ELMOD1: variants seen among roughly 807,000 people sequenced by gnomAD.
The protein encoded by ELMOD1 is ELMO domain containing 1.
Under a neutral mutation model 46.7 loss-of-function variants are expected in ELMOD1, and 21 were observed. That is an observed-to-expected ratio of 0.45 (90% confidence interval 0.32 to 0.65). The LOEUF (loss-of-function observed/expected upper bound fraction) is 0.65, where lower values mean the gene tolerates loss of function less well. Among genes scored for constraint, ELMOD1 ranks in the 30% least tolerant of loss-of-function variants. The pLI, the probability that ELMOD1 is intolerant of heterozygous loss-of-function variation, is 0.04. For synonymous variants in ELMOD1, 122 were observed against 138.2 expected, an observed-to-expected ratio of 0.88 and a Z score of 0.82; for missense variants, 348 against 407.8, an observed-to-expected ratio of 0.85 and a Z score of 1.26.
chr11:107,629,642 G>A (rs973875401), intron 2 of ELMOD1, among the ~76,000 whole-genome samples: 3 of 152,190 alleles, frequency 2.0e-5, no homozygotes, highest in African/African-American at 7.2e-5. Flanking sequence ...ATTTGTTGCG[G>A]TATTGCTGGA....
At chr11:107,591,684 A>C (rs1369249059) in intron 1 of ELMOD1, 1 of 365,286 alleles carries the variant, frequency 2.7e-6, no homozygotes, top group African/African-American at 2.2e-5. Flanking sequence ...GGCTGTTTGC[A>C]TCTCGGCCCG....
intron 11 of ELMOD1, among the ~76,000 whole-genome samples, chr11:107,658,291 T>A (rs980820747): frequency 6.6e-6 from 1 of 152,178 alleles, no homozygotes; most frequent in Non-Finnish European, 1.5e-5. Context: ...ACTATTTGAT[T>A]CTGAACAATG....
chr11:107,645,490 A>G (rs960772640), intron 6 of ELMOD1, among the ~76,000 whole-genome samples: 17 of 151,204 alleles, frequency 1.1e-4, no homozygotes, highest in Non-Finnish European at 1.6e-4. Context: ...CGCCCGGCTA[A>G]TTTTTTGTAT....
intron 1 of ELMOD1, among the ~76,000 whole-genome samples, chr11:107,601,421 T>C (rs1468411048): frequency 1.4e-5 from 2 of 145,822 alleles, no homozygotes; most frequent in African/African-American, 2.5e-5. Flanking sequence ...TTTTTCTTTT[T>C]TTTTTTTTTT....
chr11:107,661,048 A>C (rs150778150), intron 11 of ELMOD1, among the ~76,000 whole-genome samples: 2 of 152,184 alleles, frequency 1.3e-5, no homozygotes, highest in Non-Finnish European at 2.9e-5. Flanking sequence ...TGATTATAAT[A>C]TGCACCTTGG....
At chr11:107,605,936 G>T (rs902030165) in intron 1 of ELMOD1, among the ~76,000 whole-genome samples, 4 of 152,144 alleles carry the variant, frequency 2.6e-5, no homozygotes, top group Non-Finnish European at 5.9e-5. Context: ...TTTTCGTGTC[G>T]CTTCTTTCTC....
At position 107,665,397 on chromosome 11, in the gene ELMOD1, T is replaced by G. The variant is rs1866825505; in HGVS notation, c.*200T>G. 1 of 566,382 alleles carries G rather than the reference T, an allele frequency of 1.8e-6. No homozygotes were observed. Among genetic ancestry groups the G allele is most frequent in the Admixed American group, 3.5e-5 (1 of 28,820 alleles). 35.1% of individuals were successfully genotyped at this position (566,382 alleles called of 1,614,324 possible). On this transcript the variant is annotated 3_prime_UTR_variant, in exon 12 of 12. Transcript: ENST00000265840. ...GGAGTATCTGTCATCCAGTGACTGC[T>G]CATATTGTGGCATTATGCAGTGTTA...
chr11:107,651,843 G>A (rs894981531), intron 9 of ELMOD1, among the ~76,000 whole-genome samples: 1 of 152,082 alleles, frequency 6.6e-6, no homozygotes, highest in Admixed American at 6.6e-5. Context: ...CAATAAGCTC[G>A]CAATATTTCT....
At chr11:107,657,608 C>A (rs567382006) in intron 11 of ELMOD1, among the ~76,000 whole-genome samples, 70 of 152,268 alleles carry the variant, frequency 4.6e-4, no homozygotes, top group Admixed American at 2.2e-3. Context: ...GAATTTTACA[C>A]CCAGTATAAC....
intron 1 of ELMOD1, among the ~76,000 whole-genome samples, chr11:107,599,755 A>AAAAAAAAAAAAAAAAAAAG (rs1555058610): frequency 3.6e-5 from 5 of 138,890 alleles, no homozygotes; most frequent in South Asian, 2.2e-4. Context: ...AAAAAAAGAA[A>AAAAAAAAAAAAAAAAAAAG]AAAAGAAAAG....
intron 2 of ELMOD1, among the ~76,000 whole-genome samples, chr11:107,618,788 TA>T (rs1169009461): frequency 6.6e-6 from 1 of 152,222 alleles, no homozygotes; most frequent in Admixed American, 6.5e-5. Flanking sequence ...TGATCTTTTT[TA>T]GTTTTGAAAA....
intron 6 of ELMOD1, chr11:107,643,688 A>G: frequency 1.9e-6 from 1 of 518,996 alleles, no homozygotes; most frequent in Non-Finnish European, 3.9e-6. Context: ...ATACTTCCAT[A>G]TACCTGCATC....
intron 11 of ELMOD1, among the ~76,000 whole-genome samples, chr11:107,656,591 C>A (rs1340212834): frequency 6.6e-6 from 1 of 151,778 alleles, no homozygotes; most frequent in Admixed American, 6.6e-5. Flanking sequence ...CTTTGAACTT[C>A]CTCTTTTGGT....
In ELMOD1 at chr11:107,618,163, A is replaced by C. The variant is rs1381905451; in HGVS notation, c.-27A>C. On this transcript the variant is annotated 5_prime_UTR_variant, in exon 2 of 12. Coordinates refer to ENST00000265840, the MANE Select transcript of ELMOD1 (RefSeq NM_018712.4). ...GCAATTACTTGAGGACAGTTCATAT[A>C]GCATCTGGACAGTCAACACGGGCAC... 1 of 1,564,974 alleles carries C rather than the reference A, an allele frequency of 6.4e-7. No homozygotes were observed. Among genetic ancestry groups the C allele is most frequent in the Admixed American group, 1.9e-5 (1 of 52,804 alleles).
chr11:107,592,011 G>A (rs1417292546), intron 1 of ELMOD1: 1 of 505,660 alleles, frequency 2.0e-6, no homozygotes, highest in Non-Finnish European at 4.1e-6. Flanking sequence ...GGTAGAATTG[G>A]ACAGCCGAGT....
At chr11:107,631,757 T>A in intron 5 of ELMOD1, 80 bp downstream of exon 5, 1 of 644,188 alleles carries the variant, frequency 1.6e-6, no homozygotes, top group South Asian at 3.3e-5. Context: ...GTCTCCTCTC[T>A]TTTTTTTTCT....
intron 2 of ELMOD1, chr11:107,625,339 T>G (rs1866023086): frequency 1.1e-6 from 1 of 921,678 alleles, no homozygotes; most frequent in Non-Finnish European, 1.3e-6. Flanking sequence ...AACCAAGAAC[T>G]GTGATTATTT....
intron 1 of ELMOD1, among the ~76,000 whole-genome samples, chr11:107,597,940 AC>A (rs2135645667): frequency 6.6e-6 from 1 of 152,302 alleles, no homozygotes; most frequent in East Asian, 1.9e-4. Flanking sequence ...TGCACAGCAC[AC>A]CTAATCAAAT....
At chr11:107,602,913 G>A (rs1010198271) in intron 1 of ELMOD1, among the ~76,000 whole-genome samples, 3 of 151,984 alleles carry the variant, frequency 2.0e-5, no homozygotes, top group East Asian at 3.9e-4. Flanking sequence ...ATGCTTCTTT[G>A]GGGGAGAGCT....
Sources: allele counts gnomAD v4.1 joint callset (sites outside exome capture counted in the v4.1 genomes callset), GRCh38; gene constraint gnomAD v4.1.1; transcripts MANE v1.5; gene names NCBI Gene and HGNC (gene_info 2026-07-23, HGNC 2026-07-21).